ATL2: variants seen among roughly 807,000 people sequenced by gnomAD.
The protein encoded by ATL2 is atlastin-2.
ATL2 carries 31 observed loss-of-function variants against 73.9 expected under a neutral mutation model. That is an observed-to-expected ratio of 0.42 (90% confidence interval 0.32 to 0.57). The LOEUF is 0.57. Ranked by LOEUF, ATL2 falls within the 20% of genes least tolerant of loss-of-function variation. The pLI is 0.14. For missense variants in ATL2, 738 were observed against 702.6 expected (o/e 1.05, Z -0.57); for synonymous variants, 291 against 237.5 (o/e 1.23, Z -2.07).
At chr2:38,309,090 CAG>C (rs1667603976) in intron 9 of ATL2, among the ~76,000 whole-genome samples, 1 of 152,020 alleles carries the variant, frequency 6.6e-6, no homozygotes, top group South Asian at 2.1e-4. Flanking sequence ...TCACTAATGA[CAG>C]AGTAGTATTA....
intron 1 of ATL2, among the ~76,000 whole-genome samples, chr2:38,374,721 A>G (rs1671866947): frequency 6.6e-6 from 1 of 152,254 alleles, no homozygotes; most frequent in African/African-American, 2.4e-5. Flanking sequence ...TTATCAAACT[A>G]GTTAATCAGT....
In ATL2 at chr2:38,343,431, T is replaced by C; in HGVS notation, c.200A>G (p.His67Arg). ...AAGTTCAAAGTTATGGTCATCTTCA[T>C]GAGCAAGAACAATCTGTACTGGACA... ...KPCPVQIVLA[H>R]EDDHNFELDE... Residue 67 changes from histidine (H) to arginine (R), a missense_variant, in exon 2 of 13, where the codon CAT (histidine) becomes CGT (arginine). Coordinates refer to ENST00000378954, the MANE Select transcript of ATL2 (RefSeq NM_001135673.4). 6.2e-7 allele frequency: 1 copy of C among 1,613,334 alleles called. No homozygotes were observed. The highest frequency in any genetic ancestry group is 8.5e-7 in the Non-Finnish European group (1 of 1,179,708).
chr2:38,296,627 G>C (rs958597454), intron 12 of ATL2: 2 of 1,608,320 alleles, frequency 1.2e-6, no homozygotes, highest in East Asian at 4.5e-5. Context: ...GAATGAATCA[G>C]AGTGCCTCGA....
chr2:38,317,681 T>C (rs1026088), intron 4 of ATL2, among the ~76,000 whole-genome samples: 50,708 of 151,952 alleles, frequency 0.33, 8,690 homozygotes, highest in South Asian at 0.47. Context: ...ACTTCTAAGC[T>C]TAATTACCTG....
intron 2 of ATL2, among the ~76,000 whole-genome samples, chr2:38,340,174 G>T (rs1323688550): frequency 4.4e-5 from 4 of 91,632 alleles, no homozygotes; most frequent in African/African-American, 2.3e-4. Context: ...GTTTTGGTGG[G>T]GGGGGGGGGG....
chr2:38,331,399 GCACTC>G (rs1159261226), intron 2 of ATL2, among the ~76,000 whole-genome samples: 30 of 140,630 alleles, frequency 2.1e-4, no homozygotes, highest in African/African-American at 6.5e-4. Flanking sequence ...TTGAACCACT[GCACTC>G]CAGCCTAGCA....
intron 2 of ATL2, among the ~76,000 whole-genome samples, chr2:38,330,730 C>G (rs1016919727): frequency 3.3e-5 from 5 of 152,158 alleles, no homozygotes; most frequent in African/African-American, 1.2e-4. Flanking sequence ...ATGTTTGGAT[C>G]TAAATAAATG....
chr2:38,298,072 A>G, intron 12 of ATL2, 72 bp downstream of exon 12: 1 of 1,427,220 alleles, frequency 7.0e-7, no homozygotes, highest in South Asian at 1.4e-5. Context: ...GTCGGAGTAC[A>G]AATACTGCAA....
chr2:38,343,181 TATAGTTCTGG>T, intron 2 of ATL2, 77 bp downstream of exon 2: 2 of 678,692 alleles, frequency 2.9e-6, no homozygotes, highest in Admixed American at 3.8e-5. Context: ...AAAAAAAAGA[TATAGTTCTGG>T]TTTTTGTCTA....
intron 2 of ATL2, among the ~76,000 whole-genome samples, chr2:38,341,314 C>T (rs1338260470): frequency 1.3e-5 from 2 of 152,056 alleles, no homozygotes; most frequent in African/African-American, 4.8e-5. Flanking sequence ...TTCTCTATTT[C>T]AGATGTAAAA....
At chr2:38,325,026 G>A (rs1573483996) in intron 2 of ATL2, among the ~76,000 whole-genome samples, 2 of 152,332 alleles carry the variant, frequency 1.3e-5, no homozygotes, top group African/African-American at 4.8e-5. Context: ...AATGGTTAAA[G>A]AGGTAAATTT....
intron 1 of ATL2, among the ~76,000 whole-genome samples, chr2:38,364,120 G>A (rs1289499551): frequency 2.0e-5 from 3 of 152,096 alleles, no homozygotes; most frequent in African/African-American, 7.2e-5. Context: ...AAATTACCCG[G>A]GCGTGGTGGC....
At chr2:38,352,650 G>C (rs949121325) in intron 1 of ATL2, among the ~76,000 whole-genome samples, 1 of 152,194 alleles carries the variant, frequency 6.6e-6, no homozygotes, top group Admixed American at 6.6e-5. Flanking sequence ...AGGGTTGAGA[G>C]AGAAACAGAA....
intron 1 of ATL2, chr2:38,376,346 G>A (rs943063672): frequency 1.7e-5 from 16 of 964,310 alleles, no homozygotes; most frequent in Admixed American, 6.2e-5. Flanking sequence ...TACAGTAGGA[G>A]CTCACATTCA....
intron 1 of ATL2, among the ~76,000 whole-genome samples, chr2:38,358,128 T>C (rs977509684): frequency 3.3e-5 from 5 of 152,226 alleles, no homozygotes; most frequent in East Asian, 1.9e-4. Flanking sequence ...TCAGGATATA[T>C]GGACTAACAA....
At chr2:38,333,305 AT>A (rs1253919997) in intron 2 of ATL2, among the ~76,000 whole-genome samples, 5 of 151,808 alleles carry the variant, frequency 3.3e-5, no homozygotes, top group Non-Finnish European at 1.5e-5. Context: ...AGTTAAAATA[AT>A]TTTTTAAAAA....
chr2:38,336,596 T>C (rs1425803914), intron 2 of ATL2, among the ~76,000 whole-genome samples: 2 of 152,230 alleles, frequency 1.3e-5, no homozygotes, highest in African/African-American at 4.8e-5. Flanking sequence ...AAGTAACCTG[T>C]ACTTTACTTA....
At chr2:38,339,592 CA>C (rs1307499658) in intron 2 of ATL2, among the ~76,000 whole-genome samples, 2 of 152,010 alleles carry the variant, frequency 1.3e-5, no homozygotes, top group African/African-American at 4.8e-5. Context: ...TCTAAAAAAT[CA>C]GCTGACAAAA....
chr2:38,337,626 CAT>C (rs1267450255), intron 2 of ATL2, among the ~76,000 whole-genome samples: 5 of 148,798 alleles, frequency 3.4e-5, no homozygotes, highest in African/African-American at 9.9e-5. Context: ...TTAAGAGACA[CAT>C]ACTGTAATAT....
Sources: allele counts gnomAD v4.1 joint callset (sites outside exome capture counted in the v4.1 genomes callset), GRCh38; gene constraint gnomAD v4.1.1; transcripts MANE v1.5; gene names NCBI Gene and HGNC (gene_info 2026-07-23, HGNC 2026-07-21).